Variants in KCNH1 observed in about 807,000 individuals in gnomAD.
KCNH1 encodes potassium voltage-gated channel subfamily H member 1.
KCNH1 carries 27 observed loss-of-function variants against 69.2 expected under a neutral mutation model. The observed-to-expected ratio is 0.39, with a 90% CI of 0.29 to 0.54. The LOEUF is 0.54. Among genes scored for constraint, KCNH1 ranks in the 20% least tolerant of loss-of-function variants. The pLI is 0.68. For synonymous variants in KCNH1, 456 were observed against 487.7 expected (o/e 0.93, Z 0.86); for missense variants, 798 against 1,261.6 (o/e 0.63, Z 5.57).
chr1:210,987,631 C>G (rs566422257), intron 6 of KCNH1, among the ~76,000 whole-genome samples: 107 of 152,174 alleles, frequency 7.0e-4, no homozygotes, highest in African/African-American at 2.5e-3. Context: ...GCTGCCTGAT[C>G]GTTCCTCTGG....
chr1:210,738,312 G>A (rs189520187), intron 10 of KCNH1, among the ~76,000 whole-genome samples: 27 of 152,284 alleles, frequency 1.8e-4, no homozygotes, highest in East Asian at 5.8e-4. Flanking sequence ...GGCAGTGACC[G>A]TATTCACTGA....
intron 7 of KCNH1, among the ~76,000 whole-genome samples, chr1:210,869,108 T>C (rs1271799367): frequency 6.6e-6 from 1 of 152,158 alleles, no homozygotes; most frequent in Non-Finnish European, 1.5e-5. Context: ...TCTTCTGATT[T>C]AAAAGTTTCT....
chr1:210,916,204 T>C (rs1206432634), intron 7 of KCNH1, among the ~76,000 whole-genome samples: 1 of 152,176 alleles, frequency 6.6e-6, no homozygotes, highest in Non-Finnish European at 1.5e-5. Flanking sequence ...ACTCGGTAAA[T>C]CTAGTAAGAC....
intron 5 of KCNH1, among the ~76,000 whole-genome samples, chr1:211,067,825 G>A (rs973639052): frequency 3.3e-5 from 5 of 152,180 alleles, no homozygotes; most frequent in Non-Finnish European, 7.3e-5. Flanking sequence ...AGGTAAACCT[G>A]GTTCTCATTC....
chr1:210,836,583 T>TAA (rs978772965), intron 7 of KCNH1, among the ~76,000 whole-genome samples: 3 of 152,182 alleles, frequency 2.0e-5, no homozygotes, highest in African/African-American at 7.2e-5. Context: ...ACAGCCATGC[T>TAA]AAACAGAGAC....
At chr1:210,898,103 C>T (rs1425085125) in intron 7 of KCNH1, among the ~76,000 whole-genome samples, 1 of 152,206 alleles carries the variant, frequency 6.6e-6, no homozygotes, top group East Asian at 1.9e-4. Flanking sequence ...TTGAAAAATA[C>T]TCAAAATATG....
intron 7 of KCNH1, among the ~76,000 whole-genome samples, chr1:210,835,464 A>G (rs567602383): frequency 1.4e-3 from 217 of 152,238 alleles, no homozygotes; most frequent in Non-Finnish European, 2.1e-3. Context: ...CTAAATTATG[A>G]TTATTTCTGA....
rs12126571 is a variant in KCNH1 at position 210,948,529 on chromosome 1, T to C, written c.1033-28460A>G. 5.3e-3 allele frequency among the ~76,000 whole-genome samples: 812 copies of C among 152,194 alleles called. 6 individuals carry two copies. Among genetic ancestry groups the C allele is most frequent in the Middle Eastern group, 0.024 (7 of 294 alleles). ...TGCCATTATAGTCCAAAAGCAGCCATAGAAAATATCTAGATGGAGGTGGGG... is the reference window on the plus strand; with the variant it reads ...TGCCATTATAGTCCAAAAGCAGCCACAGAAAATATCTAGATGGAGGTGGGG... On this transcript the variant is annotated intron_variant, in intron 6 of 10. Coordinates refer to ENST00000271751, the MANE Select transcript of KCNH1 (RefSeq NM_172362.3).
At chr1:210,731,247 T>C (rs1682741176) in intron 10 of KCNH1, among the ~76,000 whole-genome samples, 1 of 152,154 alleles carries the variant, frequency 6.6e-6, no homozygotes, top group Non-Finnish European at 1.5e-5. Flanking sequence ...TCCATGTCGC[T>C]TTACATCTTA....
chr1:210,795,966 C>CACACACAG, intron 9 of KCNH1, among the ~76,000 whole-genome samples: 1 of 95,264 alleles, frequency 1.0e-5, no homozygotes, highest in East Asian at 2.2e-4. Context: ...ACTAAAAACA[C>CACACACAG]ACACACACAC....
chr1:210,973,530 T>C (rs865903188), intron 6 of KCNH1, among the ~76,000 whole-genome samples: 49 of 152,296 alleles, frequency 3.2e-4, no homozygotes, highest in Admixed American at 4.6e-4. Context: ...ACTTTTTTTC[T>C]TCTCAGAGTC....
chr1:210,829,171 T>A (rs890548139), intron 7 of KCNH1, among the ~76,000 whole-genome samples: 9 of 152,150 alleles, frequency 5.9e-5, no homozygotes, highest in Admixed American at 5.2e-4. Flanking sequence ...AAACTGGAGT[T>A]CTGACTCAGC....
intron 10 of KCNH1, among the ~76,000 whole-genome samples, chr1:210,688,964 C>T (rs1030078689): frequency 1.4e-4 from 21 of 152,316 alleles, no homozygotes; most frequent in Middle Eastern, 3.4e-3. Context: ...AGAGTCCTGC[C>T]AGCCCACAGG....
chr1:211,075,307 GCTTCTGGTTA>G (rs1690713730), intron 5 of KCNH1, among the ~76,000 whole-genome samples: 1 of 152,160 alleles, frequency 6.6e-6, no homozygotes, highest in African/African-American at 2.4e-5. Context: ...GTTGACAAAA[GCTTCTGGTTA>G]CTACAAGGAG....
At chr1:210,911,907 C>T (rs1687239798) in intron 7 of KCNH1, among the ~76,000 whole-genome samples, 2 of 152,152 alleles carry the variant, frequency 1.3e-5, no homozygotes. Flanking sequence ...CCCTCTTTCC[C>T]TTCCTGATTC....
intron 6 of KCNH1, among the ~76,000 whole-genome samples, chr1:210,960,374 T>C (rs1177292824): frequency 6.6e-6 from 1 of 152,228 alleles, no homozygotes. Context: ...TGGCATTTCA[T>C]GACCACAAAA....
chr1:210,896,494 T>C (rs185755974), intron 7 of KCNH1, among the ~76,000 whole-genome samples: 1 of 152,294 alleles, frequency 6.6e-6, no homozygotes, highest in African/African-American at 2.4e-5. Flanking sequence ...TTTCTGTATC[T>C]ACATTAGATA....
intron 10 of KCNH1, among the ~76,000 whole-genome samples, chr1:210,731,785 A>G (rs1682753299): frequency 6.6e-6 from 1 of 152,170 alleles, no homozygotes; most frequent in Non-Finnish European, 1.5e-5. Flanking sequence ...CCCACAAACC[A>G]TTACCTGAAT....
chr1:211,127,385 T>C (rs1035732095), intron 1 of KCNH1, among the ~76,000 whole-genome samples: 1 of 149,818 alleles, frequency 6.7e-6, no homozygotes, highest in Admixed American at 6.7e-5. Flanking sequence ...GTTTACTGCT[T>C]CTCAAATTAA....
Sources: gnomAD v4.1 joint callset for allele counts (sites outside exome capture counted in the v4.1 genomes callset) on GRCh38, gnomAD v4.1.1 for gene constraint, MANE v1.5 for transcripts, NCBI Gene and HGNC (gene_info 2026-07-23, HGNC 2026-07-21) for gene names.